The following FNBP1L variants were observed in gnomAD, a reference collection of about 807,000 sequenced individuals.
The protein encoded by FNBP1L is formin binding protein 1 like.
In FNBP1L, 36 loss-of-function variants were observed where a neutral mutation model predicts 91.2. The observed-to-expected ratio is 0.39, with a 90% CI of 0.30 to 0.52. The LOEUF is 0.52. Ranked by LOEUF, FNBP1L falls within the 20% of genes least tolerant of loss-of-function variation. The pLI, the probability that FNBP1L is intolerant of heterozygous loss-of-function variation, is 0.66. For missense variants in FNBP1L, 571 were observed against 732.1 expected, an observed-to-expected ratio of 0.78 and a Z score of 2.54; for synonymous variants, 242 against 237.0, an observed-to-expected ratio of 1.02 and a Z score of -0.19.
Position 93,534,912 on chromosome 1 carries a change from A to G in FNBP1L, c.990+4A>G. On this transcript the variant is annotated splice_donor_region_variant and intron_variant, in intron 9 of 16. Coordinates refer to ENST00000271234, the MANE Select transcript of FNBP1L (RefSeq NM_001164473.3). The stretch of plus-strand genomic sequence containing the variant: ...GCTCTTTGGAAAGAAGCCAAAGGTA[A>G]AAGTCATAAAATTCCTATATGCTAA... The G allele has an allele frequency of 3.9e-6, 6 of 1,558,344 alleles. No individual in the cohort carries two copies. The highest frequency in any genetic ancestry group is 1.2e-5 in the South Asian group (1 of 84,358).
chr1:93,531,137 T>A (rs1079750), intron 7 of FNBP1L, among the ~76,000 whole-genome samples: 1 of 152,170 alleles, frequency 6.6e-6, no homozygotes, highest in Non-Finnish European at 1.5e-5. Context: ...TTAAATACTT[T>A]AAGTATTTTG....
At chr1:93,495,114 G>A (rs1670219820) in intron 1 of FNBP1L, among the ~76,000 whole-genome samples, 1 of 152,162 alleles carries the variant, frequency 6.6e-6, no homozygotes, top group African/African-American at 2.4e-5. Context: ...AGTGATATGT[G>A]TAAAATATGG....
chr1:93,488,271 G>GTGTA (rs1160017572), intron 1 of FNBP1L: 1 of 152,154 alleles, frequency 6.6e-6, no homozygotes, highest in Admixed American at 6.5e-5. Context: ...GGGTGTGTGT[G>GTGTA]TGTATGTGTG....
At chr1:93,541,099 TA>T in intron 11 of FNBP1L, 43 bp downstream of exon 11, 1 of 1,519,472 alleles carries the variant, frequency 6.6e-7, no homozygotes, top group Non-Finnish European at 8.8e-7. Context: ...CAACATTAAG[TA>T]ATCTCAAAAC....
At chr1:93,551,630 T>A in intron 16 of FNBP1L, 1 of 984,888 alleles carries the variant, frequency 1.0e-6, no homozygotes, top group Non-Finnish European at 1.2e-6. Context: ...AATAACATCA[T>A]TTTCATTTTC....
chr1:93,501,715 C>T (rs964298782), intron 2 of FNBP1L, among the ~76,000 whole-genome samples: 1 of 151,904 alleles, frequency 6.6e-6, no homozygotes, highest in African/African-American at 2.4e-5. Flanking sequence ...CTTCTAGGGC[C>T]CCAAGAGAAT....
At chr1:93,504,949 ATTTTT>A (rs1189941963) in intron 2 of FNBP1L, among the ~76,000 whole-genome samples, 2 of 151,776 alleles carry the variant, frequency 1.3e-5, no homozygotes, top group Non-Finnish European at 2.9e-5. Flanking sequence ...TAGTTTATCT[ATTTTT>A]ATTTTTTTTG....
chr1:93,544,021 T>A, intron 11 of FNBP1L, 86 bp from the exon 12 acceptor site: 1 of 895,368 alleles, frequency 1.1e-6, no homozygotes, highest in South Asian at 2.3e-5. Context: ...TTAAGATTGG[T>A]ATGTATTCTT....
intron 2 of FNBP1L, among the ~76,000 whole-genome samples, chr1:93,507,128 C>G (rs1044226471): frequency 6.7e-6 from 1 of 148,314 alleles, no homozygotes; most frequent in East Asian, 2.0e-4. Flanking sequence ...CTCTCTCTCT[C>G]TCTCTCTCTC....
intron 3 of FNBP1L, 148 bp downstream of exon 3, chr1:93,522,283 G>GT (rs1198968794): frequency 1.8e-5 from 6 of 339,502 alleles, no homozygotes; most frequent in Non-Finnish European, 3.1e-5. Flanking sequence ...AGGAACTACT[G>GT]TTTATCTTTT....
chr1:93,482,887 G>A (rs1296494175), intron 1 of FNBP1L, among the ~76,000 whole-genome samples: 2 of 151,732 alleles, frequency 1.3e-5, no homozygotes, highest in African/African-American at 2.4e-5. Context: ...GCGTGGTCGC[G>A]GGCGCCTGTA....
At chr1:93,464,203 G>C (rs1668995747) in intron 1 of FNBP1L, among the ~76,000 whole-genome samples, 1 of 152,158 alleles carries the variant, frequency 6.6e-6, no homozygotes, top group African/African-American at 2.4e-5. Flanking sequence ...ATATGATTCA[G>C]CAATTTCACT....
chr1:93,507,097 ACACACACACACTCTCTCTCTCTCT>A (rs1557797986), intron 2 of FNBP1L, among the ~76,000 whole-genome samples: 13 of 84,170 alleles, frequency 1.5e-4, no homozygotes, highest in East Asian at 9.9e-4. Flanking sequence ...ACACACACAC[ACACACACACACTCTCTCTCTCTCT>A]CTCTCTCTCT....
intron 11 of FNBP1L, 118 bp from the exon 12 acceptor site, chr1:93,543,989 T>TAAAAA: frequency 1.0e-5 from 6 of 590,198 alleles, no homozygotes; most frequent in South Asian, 4.5e-5. Context: ...AGGGGTTGCT[T>TAAAAA]GAGGCAAATT....
chr1:93,542,458 A>G (rs1002419063), intron 11 of FNBP1L, among the ~76,000 whole-genome samples: 5 of 149,844 alleles, frequency 3.3e-5, no homozygotes, highest in African/African-American at 9.8e-5. Flanking sequence ...AAAAAAAAAA[A>G]AAAAAAAAGC....
At chr1:93,515,068 A>G (rs1225522802) in intron 2 of FNBP1L, among the ~76,000 whole-genome samples, 1 of 152,268 alleles carries the variant, frequency 6.6e-6, no homozygotes, top group African/African-American at 2.4e-5. Context: ...AAACAAATTT[A>G]CAAGAAAAAA....
At chr1:93,514,097 A>G (rs1004317739) in intron 2 of FNBP1L, among the ~76,000 whole-genome samples, 7 of 151,760 alleles carry the variant, frequency 4.6e-5, no homozygotes, top group African/African-American at 1.4e-4. Flanking sequence ...TCAATGTACA[A>G]AAATCACAAG....
intron 1 of FNBP1L, among the ~76,000 whole-genome samples, chr1:93,465,250 A>G (rs1362949168): frequency 1.3e-5 from 2 of 151,988 alleles, no homozygotes; most frequent in African/African-American, 2.4e-5. Flanking sequence ...CATGTGCACA[A>G]CATGCAGGTT....
At chr1:93,532,234 C>T (rs955294080) in intron 7 of FNBP1L, among the ~76,000 whole-genome samples, 2 of 151,976 alleles carry the variant, frequency 1.3e-5, no homozygotes, top group Admixed American at 6.6e-5. Flanking sequence ...TTTGGGAGGC[C>T]GAGGCAGGTG....
Sources: allele counts gnomAD v4.1 joint callset (sites outside exome capture counted in the v4.1 genomes callset), GRCh38; gene constraint gnomAD v4.1.1; transcripts MANE v1.5; gene names NCBI Gene and HGNC (gene_info 2026-07-23, HGNC 2026-07-21).